Variants in TSHR observed in about 807,000 individuals in gnomAD.
TSHR encodes the protein thyroid stimulating hormone receptor.
TSHR carries 51 observed loss-of-function variants against 64.1 expected under a neutral mutation model. That is an observed-to-expected ratio of 0.80 (90% CI 0.64 to 1.01). The LOEUF (loss-of-function observed/expected upper bound fraction) is 1.01. TSHR is among the 50% of genes least tolerant of loss of function. The pLI, the probability that TSHR is intolerant of heterozygous loss-of-function variation, is 0.00. For missense variants in TSHR, 877 were observed against 942.8 expected, an observed-to-expected ratio of 0.93 and a Z score of 0.91; for synonymous variants, 361 against 361.9, an observed-to-expected ratio of 1.00 and a Z score of 0.03.
intron 8 of TSHR, among the ~76,000 whole-genome samples, chr14:81,114,366 A>G (rs4903971): frequency 0.91 from 139,188 of 152,288 alleles, 63,754 homozygotes; most frequent in East Asian, 1. Context: ...GCCTCACTCC[A>G]GAAGCGCAAG....
chr14:81,056,613 C>T (rs1885821413), intron 1 of TSHR, among the ~76,000 whole-genome samples: 1 of 152,076 alleles, frequency 6.6e-6, no homozygotes, highest in Non-Finnish European at 1.5e-5. Context: ...GAGACCTAAA[C>T]CAATACTTGT....
intron 3 of TSHR, 136 bp from the exon 4 acceptor site, chr14:81,087,818 A>G (rs1028099217): frequency 1.3e-6 from 1 of 741,370 alleles, no homozygotes; most frequent in Non-Finnish European, 2.4e-6. Flanking sequence ...TGGCAGCTAC[A>G]GCCCCTGGGG....
At chr14:81,087,503 T>G in intron 3 of TSHR, 1 of 251,004 alleles carries the variant, frequency 4.0e-6, no homozygotes, top group African/African-American at 2.3e-5. Flanking sequence ...GACAGAGCCT[T>G]ACTGTCCATC....
intron 1 of TSHR, among the ~76,000 whole-genome samples, chr14:81,049,019 T>A (rs934428322): frequency 4.6e-5 from 7 of 152,234 alleles, no homozygotes; most frequent in Non-Finnish European, 7.3e-5. Flanking sequence ...ATATCCATTA[T>A]CCTATGATAA....
At chr14:80,963,815 A>G (rs1943226630) in intron 1 of TSHR, among the ~76,000 whole-genome samples, 1 of 152,214 alleles carries the variant, frequency 6.6e-6, no homozygotes, top group East Asian at 1.9e-4. Context: ...GGCAGGAAAA[A>G]GTCGGAGAGA....
chr14:81,111,831 G>T (rs1212113579), intron 8 of TSHR, among the ~76,000 whole-genome samples: 1 of 152,058 alleles, frequency 6.6e-6, no homozygotes, highest in Non-Finnish European at 1.5e-5. Context: ...AATTAATATG[G>T]TACCCAATAA....
chr14:81,109,710 AC>A (rs1312298123), intron 8 of TSHR, among the ~76,000 whole-genome samples: 1 of 152,164 alleles, frequency 6.6e-6, no homozygotes, highest in East Asian at 1.9e-4. Context: ...GACTGAATGC[AC>A]CCAGTGCATT....
At chr14:81,040,901 C>T (rs1884888043) in intron 1 of TSHR, among the ~76,000 whole-genome samples, 1 of 151,834 alleles carries the variant, frequency 6.6e-6, no homozygotes, top group Non-Finnish European at 1.5e-5. Flanking sequence ...AGCCAATGAT[C>T]ATATGAAAAA....
chr14:81,110,270 T>C (rs1185625632), intron 8 of TSHR, among the ~76,000 whole-genome samples: 2 of 152,218 alleles, frequency 1.3e-5, no homozygotes, highest in Non-Finnish European at 2.9e-5. Flanking sequence ...TATTTGAAGA[T>C]AGGGTCTGTA....
chr14:81,037,165 A>G (rs1884668960), intron 1 of TSHR, among the ~76,000 whole-genome samples: 1 of 152,018 alleles, frequency 6.6e-6, no homozygotes. Flanking sequence ...TTTTAATAAA[A>G]AATAAACAAA....
At position 81,087,913 on chromosome 14, in the gene TSHR, C is replaced by T. The variant is rs371178984; in HGVS notation, c.318-41C>T. 111 of 1,352,210 alleles carry T rather than the reference C, an allele frequency of 8.2e-5. No individual in the cohort carries two copies. In the African/African-American group the frequency reaches 8.5e-4, roughly 10 times the overall value. The allele number at this position is 1,352,210 out of a possible 1,614,324, so 83.8% of individuals were successfully genotyped here. ...GTTTTGTCTTTGATAAGAACAGATA[C>T]GGATGCATTATAGTGACTGTGTTCC... On this transcript the variant is annotated intron_variant, in intron 3 of 9. Coordinates refer to ENST00000298171, the MANE Select transcript of TSHR (RefSeq NM_000369.5).
chr14:80,999,780 T>A (rs1434345936), intron 1 of TSHR, among the ~76,000 whole-genome samples: 1 of 152,150 alleles, frequency 6.6e-6, no homozygotes, highest in Non-Finnish European at 1.5e-5. Context: ...TTCATTTCTG[T>A]TAGACCAGTA....
In TSHR at chr14:81,067,926, ACTAT is replaced by A. The variant is rs1261774684; in HGVS notation, c.243-327_243-324del. Among the ~76,000 whole-genome samples, 4 of 41,356 alleles carry A rather than the reference ACTAT, an allele frequency of 9.7e-5. 1 individual carries two copies. Among genetic ancestry groups the A allele is most frequent in the African/African-American group, 8.5e-4 (4 of 4,732 alleles). 27.1% of individuals were successfully genotyped at this position (41,356 alleles called of 152,430 possible). ...GTAGTGGAACATTCCACAGGGTGAC[ACTAT>A]ATATATATATATATATATATATATC... is the stretch of plus-strand genomic sequence containing the variant. On this transcript the variant is annotated intron_variant, in intron 2 of 9. Coordinates refer to ENST00000298171, the MANE Select transcript of TSHR (RefSeq NM_000369.5).
At chr14:81,067,073 C>T (rs374202310) in intron 2 of TSHR, among the ~76,000 whole-genome samples, 4 of 152,032 alleles carry the variant, frequency 2.6e-5, no homozygotes, top group South Asian at 4.1e-4. Flanking sequence ...AAGTTTAAGA[C>T]GGAGCTTGAA....
rs12437030 is a variant in TSHR at position 80,997,336 on chromosome 14, C to T, written c.170+41486C>T. Among the ~76,000 whole-genome samples, 1,352 of 152,294 alleles carry T rather than the reference C, an allele frequency of 8.9e-3. 67 individuals are homozygous for T. The highest frequency in any genetic ancestry group is 0.072 in the Admixed American group (1,104 of 15,288). ...TCGGGATAATTCTGTGAGCTAAACA[C>T]GGACAAATAGTAACATTCACCCCTC... On this transcript the variant is annotated intron_variant, in intron 1 of 9. Transcript: ENST00000298171.
intron 1 of TSHR, among the ~76,000 whole-genome samples, chr14:80,998,622 T>C (rs971587409): frequency 6.6e-6 from 1 of 151,934 alleles, no homozygotes; most frequent in Non-Finnish European, 1.5e-5. Context: ...AAAAAGAAAC[T>C]GGAATGGCTA....
chr14:81,027,036 C>CAAAA (rs1417772986), intron 1 of TSHR, among the ~76,000 whole-genome samples: 2 of 76,508 alleles, frequency 2.6e-5, no homozygotes, highest in African/African-American at 3.5e-5. Context: ...AACTCCATCT[C>CAAAA]AAAAAAAAAA....
chr14:81,139,825 C>G lies in TSHR; in HGVS notation c.839C>G (p.Pro280Arg). 6.2e-7 allele frequency: 1 copy of G among 1,614,226 alleles called. No individual in the cohort carries two copies. The highest frequency in any genetic ancestry group is 8.5e-7 in the Non-Finnish European group (1 of 1,180,040). The change falls in exon 9 of 10, where the codon CCA (proline) becomes CGA (arginine). Residue 280 changes from proline to arginine, a missense_variant. Physicochemically the swap from Pro to Arg is moderately radical, Grantham distance 103 (BLOSUM62 -2). Transcript: ENST00000298171. ...CTCACACGGGCTGACCTTTCTTACC[C>G]AAGCCACTGCTGTGCTTTTAAGAAT... ...LHLTRADLSYPSHCCAFKNQK... is the reference protein window; with the variant it reads ...LHLTRADLSYRSHCCAFKNQK...
In TSHR at chr14:80,979,257, G is replaced by A. The variant is rs769098971; in HGVS notation, c.170+23407G>A. Among the ~76,000 whole-genome samples, 174 of 81,016 alleles carry A rather than the reference G, an allele frequency of 2.1e-3. 1 individual carries two copies. The highest frequency in any genetic ancestry group is 3.5e-3 in the Non-Finnish European group (122 of 34,892). The allele number at this position is 81,016 out of a possible 152,430, so 53.1% of individuals were successfully genotyped here. ...TGTGGAGTCTAACAACATTGATCTC[G>A]TAGAAGCATCATGCATATGTGGAGT... On this transcript the variant is annotated intron_variant, in intron 1 of 9. Coordinates refer to ENST00000298171, the MANE Select transcript of TSHR (RefSeq NM_000369.5).
Sources: allele counts gnomAD v4.1 joint callset (sites outside exome capture counted in the v4.1 genomes callset), GRCh38; gene constraint gnomAD v4.1.1; transcripts MANE v1.5; gene names NCBI Gene and HGNC (gene_info 2026-07-23, HGNC 2026-07-21).